The following KATNIP variants were observed in gnomAD, a reference collection of about 807,000 sequenced individuals.
KATNIP encodes the protein katanin-interacting protein.
KATNIP carries 126 observed loss-of-function variants against 174.0 expected under a neutral mutation model. The observed-to-expected ratio is 0.72, with a 90% CI of 0.63 to 0.84. The LOEUF (loss-of-function observed/expected upper bound fraction) is 0.84, where lower values mean the gene tolerates loss of function less well. KATNIP is among the 40% of genes least tolerant of loss of function. The probability of loss-of-function intolerance (pLI) is 0.00; values close to 1 mark genes in which losing one functional copy is unlikely to be tolerated. For missense variants in KATNIP, 1,958 were observed against 2,109.7 expected, an observed-to-expected ratio of 0.93 and a Z score of 1.41; for synonymous variants, 810 against 835.7, an observed-to-expected ratio of 0.97 and a Z score of 0.53.
In KATNIP at chr16:27,761,494, G is replaced by A. The variant is rs1346967560; in HGVS notation, c.3713G>A (p.Gly1238Asp). The A allele has an allele frequency of 6.2e-7, 1 of 1,614,076 alleles. No homozygotes were observed. Among genetic ancestry groups the A allele is most frequent in the South Asian group, 1.1e-5 (1 of 91,074 alleles). Reference protein sequence around the residue: ...LTGLEVVGKEGQALPIHLHQI... With the variant: ...LTGLEVVGKEDQALPIHLHQI... ...GGCCTGGAAGTGGTGGGCAAGGAGG[G>A]CCAGGCGCTGCCCATCCACCTGCAC... The change falls in exon 19 of 28, where the codon GGC becomes GAC. Residue 1238 changes from glycine to aspartate, a missense_variant. Coordinates refer to ENST00000261588, the MANE Select transcript of KATNIP (RefSeq NM_015202.5).
chr16:27,664,784 A>G (rs1377429244), intron 6 of KATNIP, among the ~76,000 whole-genome samples: 2 of 152,188 alleles, frequency 1.3e-5, no homozygotes, highest in Non-Finnish European at 2.9e-5. Flanking sequence ...TCTGTCTCAA[A>G]ATCTTTGTCC....
At position 27,754,240 on chromosome 16, in the gene KATNIP, A is replaced by G; in HGVS notation, c.3620A>G (p.Tyr1207Cys). Reference sequence around the variant, plus strand: ...GTCACCACGCCAGAGCCAGGCATCTACCACGGAATCTGTGAGTAGCTCTCC... The same window carrying G: ...GTCACCACGCCAGAGCCAGGCATCTGCCACGGAATCTGTGAGTAGCTCTCC... The part of the protein sequence containing the change: ...PQVTTPEPGI[Y>C]HGICLQLNFT... Residue 1207 changes from tyrosine to cysteine, a missense_variant, in exon 18 of 28, where the codon TAC becomes TGC. Coordinates refer to ENST00000261588, the MANE Select transcript of KATNIP (RefSeq NM_015202.5). 1 of 1,613,994 alleles carries G rather than the reference A, an allele frequency of 6.2e-7. No individual in the cohort carries two copies. The highest frequency in any genetic ancestry group is 8.5e-7 in the Non-Finnish European group (1 of 1,179,832).
chr16:27,575,453 A>C (rs1453736863), intron 2 of KATNIP, among the ~76,000 whole-genome samples: 2 of 152,178 alleles, frequency 1.3e-5, no homozygotes, highest in Non-Finnish European at 2.9e-5. Flanking sequence ...AGTGCAGGGG[A>C]GATAAATTGT....
chr16:27,616,861 G>A (rs1263842070), intron 2 of KATNIP, among the ~76,000 whole-genome samples: 3 of 114,618 alleles, frequency 2.6e-5, no homozygotes, highest in Non-Finnish European at 4.9e-5. Flanking sequence ...ACCAGCCTGT[G>A]CAACATAGTG....
At chr16:27,578,766 TG>T (rs1223541524) in intron 2 of KATNIP, among the ~76,000 whole-genome samples, 1 of 152,020 alleles carries the variant, frequency 6.6e-6, no homozygotes, top group East Asian at 1.9e-4. Context: ...GTAGTAGAGA[TG>T]GGGTTTCATC....
intron 14 of KATNIP, among the ~76,000 whole-genome samples, chr16:27,731,121 C>A (rs1001045844): frequency 6.8e-6 from 1 of 147,316 alleles, no homozygotes; most frequent in African/African-American, 2.7e-5. Context: ...CAGGCCAGGA[C>A]CCCCCCGTCC....
intron 1 of KATNIP, among the ~76,000 whole-genome samples, chr16:27,566,489 T>C (rs972407832): frequency 1.3e-5 from 2 of 151,770 alleles, no homozygotes; most frequent in Non-Finnish European, 2.9e-5. Flanking sequence ...TGAGCCAAGA[T>C]TGTGCCACTG....
intron 8 of KATNIP, among the ~76,000 whole-genome samples, chr16:27,695,299 G>A (rs887269319): frequency 6.6e-6 from 1 of 152,160 alleles, no homozygotes; most frequent in African/African-American, 2.4e-5. Context: ...CAGAGCATGG[G>A]CCCTACAGTG....
At position 27,556,028 on chromosome 16, in the gene KATNIP, T is replaced by C. The variant is rs191323993; in HGVS notation, c.7+5851T>C. ...CTGTAATCCCAGATACTCGGGAGGC[T>C]GAGGCAGAGAATTGCTTGAACCTGG... On this transcript the variant is annotated intron_variant, in intron 1 of 27. Coordinates refer to ENST00000261588, the MANE Select transcript of KATNIP (RefSeq NM_015202.5). 5.5e-3 allele frequency among the ~76,000 whole-genome samples: 825 copies of C among 151,062 alleles called. 13 individuals are homozygous for C. Among genetic ancestry groups the C allele is most frequent in the African/African-American group, 0.019 (788 of 41,082 alleles).
At chr16:27,567,886 C>T (rs193151851) in intron 1 of KATNIP, among the ~76,000 whole-genome samples, 59 of 152,284 alleles carry the variant, frequency 3.9e-4, no homozygotes, top group Admixed American at 2.0e-3. Context: ...ATCGTTTGTG[C>T]CCAGCAGTTC....
chr16:27,768,907 C>T lies in KATNIP; in HGVS notation c.3976-954C>T, dbSNP rs148125322. Among the ~76,000 whole-genome samples the T allele has an allele frequency of 1.4e-3, 218 of 152,350 alleles. 1 individual carries two copies. Among genetic ancestry groups the T allele is most frequent in the African/African-American group, 5.1e-3 (211 of 41,586 alleles). ...GGCACCAGTTGGATCAACAGCTGCA[C>T]CCATGTTGCTGACCACGAATGTGGG... On this transcript the variant is annotated intron_variant, in intron 20 of 27. Coordinates refer to ENST00000261588, the MANE Select transcript of KATNIP (RefSeq NM_015202.5).
At chr16:27,760,293 A>T (rs970259278) in intron 18 of KATNIP, among the ~76,000 whole-genome samples, 2 of 152,262 alleles carry the variant, frequency 1.3e-5, no homozygotes, top group South Asian at 4.2e-4. Context: ...CTAAGGGCAG[A>T]AGGGTTTATT....
At chr16:27,600,475 C>G (rs1269040326) in intron 2 of KATNIP, among the ~76,000 whole-genome samples, 1 of 152,158 alleles carries the variant, frequency 6.6e-6, no homozygotes, top group African/African-American at 2.4e-5. Flanking sequence ...CAAAGACTCT[C>G]TAGCCGTCCC....
rs1427146465 is a variant in KATNIP at position 27,677,720 on chromosome 16, T to G, written c.541-9T>G. On this transcript the variant is annotated splice_polypyrimidine_tract_variant and intron_variant, in intron 6 of 27. Transcript: ENST00000261588. The stretch of plus-strand genomic sequence containing the variant: ...TTTATCTCTCATCTCTCTTCTGGGC[T>G]TTTTGCAGGAGCTGAGAAGAAGCCT... 1 of 1,597,942 alleles carries G rather than the reference T, an allele frequency of 6.3e-7. No homozygotes were observed. The highest frequency in any genetic ancestry group is 2.3e-5 in the East Asian group (1 of 44,426).
intron 13 of KATNIP, among the ~76,000 whole-genome samples, chr16:27,711,255 T>G (rs1007785413): frequency 2.6e-5 from 4 of 152,176 alleles, no homozygotes. Flanking sequence ...GAGATTCTTC[T>G]GGAAAGATTC....
intron 3 of KATNIP, among the ~76,000 whole-genome samples, chr16:27,621,965 G>A (rs2076209363): frequency 6.6e-6 from 1 of 152,014 alleles, no homozygotes; most frequent in South Asian, 2.1e-4. Context: ...ATTTAGAGGG[G>A]TCATACATCC....
At chr16:27,753,670 A>G (rs552091348) in intron 17 of KATNIP, among the ~76,000 whole-genome samples, 1 of 152,192 alleles carries the variant, frequency 6.6e-6, no homozygotes, top group South Asian at 2.1e-4. Context: ...GTGAACAGCC[A>G]AAGTTAAGAG....
intron 6 of KATNIP, among the ~76,000 whole-genome samples, chr16:27,655,177 G>A (rs1321679766): frequency 7.8e-5 from 3 of 38,526 alleles, no homozygotes; most frequent in Non-Finnish European, 1.8e-4. Flanking sequence ...CCCTAGAATG[G>A]ATATATATAT....
chr16:27,762,087 C>A (rs2081974929), intron 19 of KATNIP, among the ~76,000 whole-genome samples: 1 of 152,130 alleles, frequency 6.6e-6, no homozygotes, highest in Non-Finnish European at 1.5e-5. Context: ...AAGGTTGCGT[C>A]AAGTCAGTAG....
Sources: gnomAD v4.1 joint callset for allele counts (sites outside exome capture counted in the v4.1 genomes callset) on GRCh38, gnomAD v4.1.1 for gene constraint, MANE v1.5 for transcripts, NCBI Gene and HGNC (gene_info 2026-07-23, HGNC 2026-07-21) for gene names.